Variants in VAV3 observed in about 807,000 individuals in gnomAD.
VAV3 encodes the protein guanine nucleotide exchange factor VAV3.
VAV3 carries 94 observed loss-of-function variants against 131.2 expected under a neutral mutation model. That is an observed-to-expected ratio of 0.72 (90% CI 0.61 to 0.85). The LOEUF (loss-of-function observed/expected upper bound fraction) is 0.85, where lower values mean the gene tolerates loss of function less well. VAV3 is among the 40% of genes least tolerant of loss of function. The pLI is 0.00. For synonymous variants in VAV3, 349 were observed against 342.0 expected (o/e 1.02, Z -0.22); for missense variants, 939 against 1,002.7 (o/e 0.94, Z 0.86).
chr1:107,643,568 A>T lies in VAV3; in HGVS notation c.1778-813T>A, dbSNP rs528725722. On this transcript the variant is annotated intron_variant, in intron 19 of 26. Coordinates refer to ENST00000370056, the MANE Select transcript of VAV3 (RefSeq NM_006113.5). Reference sequence around the variant, plus strand: ...CCAACTAAGAGAGGTCCACTCATAAACATGATATTTTTTGCACATTTAAGG... The same window carrying T: ...CCAACTAAGAGAGGTCCACTCATAATCATGATATTTTTTGCACATTTAAGG... 7.9e-5 allele frequency among the ~76,000 whole-genome samples: 12 copies of T among 152,268 alleles called. No homozygotes were observed. In the East Asian group the frequency reaches 2.1e-3, roughly 27 times the overall value.
chr1:107,800,966 A>C (rs368240533), intron 2 of VAV3, among the ~76,000 whole-genome samples: 4 of 152,166 alleles, frequency 2.6e-5, no homozygotes, highest in African/African-American at 9.7e-5. Flanking sequence ...TCTTAGATTT[A>C]AGTCTTTAAT....
At chr1:107,762,525 C>T (rs1412370612) in intron 9 of VAV3, among the ~76,000 whole-genome samples, 1 of 152,132 alleles carries the variant, frequency 6.6e-6, no homozygotes, top group Non-Finnish European at 1.5e-5. Context: ...TCATGGGTCT[C>T]AAACAGAAAG....
chr1:107,887,882 T>C (rs1671112775), intron 1 of VAV3, among the ~76,000 whole-genome samples: 1 of 152,212 alleles, frequency 6.6e-6, no homozygotes, highest in Admixed American at 6.5e-5. Context: ...ATTTTCTGCT[T>C]TGTCATTTTT....
chr1:107,615,968 G>T (rs1045399762), intron 21 of VAV3, among the ~76,000 whole-genome samples: 6 of 152,170 alleles, frequency 3.9e-5, no homozygotes, highest in Non-Finnish European at 8.8e-5. Context: ...TGACAAGGTT[G>T]CAGAGAAAAG....
chr1:107,709,818 AT>A (rs1179389499), intron 15 of VAV3, among the ~76,000 whole-genome samples: 1 of 152,184 alleles, frequency 6.6e-6, no homozygotes, highest in Non-Finnish European at 1.5e-5. Context: ...TACCATGACT[AT>A]AAGTTTCCTG....
chr1:107,771,699 C>T (rs927084478), intron 5 of VAV3, among the ~76,000 whole-genome samples: 6 of 152,162 alleles, frequency 3.9e-5, no homozygotes, highest in African/African-American at 9.7e-5. Flanking sequence ...TTTCCAAGTG[C>T]GCAAGAAGAG....
intron 2 of VAV3, among the ~76,000 whole-genome samples, chr1:107,798,445 G>A (rs1442212879): frequency 6.6e-6 from 1 of 151,904 alleles, no homozygotes. Context: ...GAGGCCAGGC[G>A]TGGTGGCTCA....
At chr1:107,661,712 TTTC>T (rs1657034993) in intron 19 of VAV3, among the ~76,000 whole-genome samples, 1 of 152,218 alleles carries the variant, frequency 6.6e-6, no homozygotes, top group Non-Finnish European at 1.5e-5. Flanking sequence ...TTTTTCTGCA[TTTC>T]TTGACTAATT....
intron 2 of VAV3, among the ~76,000 whole-genome samples, chr1:107,857,604 G>A (rs925143482): frequency 1.1e-4 from 17 of 152,066 alleles, no homozygotes; most frequent in South Asian, 4.1e-4. Flanking sequence ...TTTCACTGCC[G>A]TAGACCTTCT....
intron 4 of VAV3, 38 bp from the exon 5 acceptor site, chr1:107,772,881 A>G (rs1044811340): frequency 6.6e-7 from 1 of 1,522,378 alleles, no homozygotes; most frequent in Non-Finnish European, 9.0e-7. Flanking sequence ...ATTTTCTATT[A>G]TGCAGTAAAT....
intron 24 of VAV3, among the ~76,000 whole-genome samples, chr1:107,598,148 G>GT (rs1422046526): frequency 6.6e-6 from 1 of 152,198 alleles, no homozygotes; most frequent in Non-Finnish European, 1.5e-5. Flanking sequence ...GAGGCCAGGA[G>GT]TTTGAGACCA....
intron 1 of VAV3, among the ~76,000 whole-genome samples, chr1:107,937,173 T>C (rs912121664): frequency 3.3e-5 from 5 of 152,190 alleles, no homozygotes; most frequent in Admixed American, 1.3e-4. Flanking sequence ...ACCACAATAT[T>C]TGGCGATCTG....
chr1:107,901,087 T>C (rs1417987572), intron 1 of VAV3, among the ~76,000 whole-genome samples: 5 of 152,140 alleles, frequency 3.3e-5, no homozygotes, highest in Non-Finnish European at 7.3e-5. Context: ...CGGACCACCA[T>C]GGAAAGATAT....
intron 2 of VAV3, among the ~76,000 whole-genome samples, chr1:107,784,829 A>G (rs1665895209): frequency 6.6e-6 from 1 of 152,264 alleles, no homozygotes; most frequent in African/African-American, 2.4e-5. Flanking sequence ...GTGTCCAGAT[A>G]TGTAAAGGGC....
At chr1:107,806,426 T>A (rs966527255) in intron 2 of VAV3, among the ~76,000 whole-genome samples, 1 of 152,102 alleles carries the variant, frequency 6.6e-6, no homozygotes, top group East Asian at 1.9e-4. Context: ...ATATTGTTAG[T>A]CTTGCTGCTG....
chr1:107,871,594 C>T (rs981059263), intron 2 of VAV3, among the ~76,000 whole-genome samples: 1 of 152,026 alleles, frequency 6.6e-6, no homozygotes, highest in African/African-American at 2.4e-5. Context: ...GAGGAAAGAG[C>T]TCAATTCTAA....
chr1:107,750,651 T>C (rs1252870049), intron 13 of VAV3, among the ~76,000 whole-genome samples: 2 of 152,198 alleles, frequency 1.3e-5, no homozygotes, highest in South Asian at 2.1e-4. Flanking sequence ...TGATTACATA[T>C]ATACATAATT....
intron 10 of VAV3, 35 bp downstream of exon 10, chr1:107,760,749 A>G: frequency 1.3e-6 from 2 of 1,511,498 alleles, no homozygotes; most frequent in Non-Finnish European, 1.8e-6. Flanking sequence ...TGAGTGAATA[A>G]ATGGACAATA....
At chr1:107,763,763 G>A (rs941125803) in intron 9 of VAV3, among the ~76,000 whole-genome samples, 18 of 152,178 alleles carry the variant, frequency 1.2e-4, no homozygotes, top group Non-Finnish European at 2.5e-4. Context: ...CGTGCAAACT[G>A]TCTAAGCAAT....
Sources: allele counts gnomAD v4.1 joint callset (sites outside exome capture counted in the v4.1 genomes callset), GRCh38; gene constraint gnomAD v4.1.1; transcripts MANE v1.5; gene names NCBI Gene and HGNC (gene_info 2026-07-23, HGNC 2026-07-21).